GANAB: variants seen among roughly 807,000 people sequenced by gnomAD.
The protein encoded by GANAB is neutral alpha-glucosidase AB.
In GANAB, 35 loss-of-function variants were observed where a neutral mutation model predicts 129.9. The observed-to-expected ratio is 0.27, with a 90% CI of 0.21 to 0.36. GANAB has a LOEUF of 0.36. GANAB is among the 10% of genes least tolerant of loss of function. GANAB has a pLI of 1.00. For synonymous variants in GANAB, 482 were observed against 451.8 expected (o/e 1.07, Z -0.85); for missense variants, 939 against 1,221.0 (o/e 0.77, Z 3.44).
chr11:62,629,169 G>A (rs752530768), intron 16 of GANAB, 25 bp downstream of exon 16: 1 of 1,579,800 alleles, frequency 6.3e-7, no homozygotes, highest in Non-Finnish European at 8.7e-7. Context: ...ACCAAACCAA[G>A]ACCCCAAATT....
intron 10 of GANAB, 80 bp downstream of exon 10, chr11:62,630,950 T>A (rs1376071448): frequency 6.6e-7 from 1 of 1,520,910 alleles, no homozygotes. Flanking sequence ...GAAAACAAGC[T>A]GGGGCACAGG....
At chr11:62,630,320 A>G (rs1326845936) in intron 12 of GANAB, 44 bp from the exon 13 acceptor site, 1 of 1,613,206 alleles carries the variant, frequency 6.2e-7, no homozygotes, top group Middle Eastern at 1.7e-4. Context: ...AAGGGGCAAA[A>G]GAGCCACCAT....
intron 17 of GANAB, among the ~76,000 whole-genome samples, chr11:62,628,377 T>TA (rs1388859842): frequency 2.6e-5 from 4 of 152,022 alleles, no homozygotes; most frequent in African/African-American, 9.6e-5. Flanking sequence ...GATGCCCAGC[T>TA]AATTTTTGTA....
At chr11:62,643,802 T>C (rs1275800949) in intron 1 of GANAB, among the ~76,000 whole-genome samples, 1 of 151,968 alleles carries the variant, frequency 6.6e-6, no homozygotes, top group Non-Finnish European at 1.5e-5. Flanking sequence ...GGTGACAAAG[T>C]GTGACTCTGT....
rs1431484252 is a variant in GANAB at position 62,638,836 on chromosome 11, G to A, written c.380+147C>T. 3 of 669,798 alleles carry A rather than the reference G, an allele frequency of 4.5e-6. No homozygotes were observed. The East Asian group carries it at 7.9e-5, about 18-fold the overall frequency. 41.5% of individuals were successfully genotyped at this position (669,798 alleles called of 1,614,324 possible). A position where few individuals can be genotyped will look rare whatever the true frequency, so the allele number is the denominator to read the frequency against. Reference sequence around the variant, plus strand: ...TAAAGAGAAAAGTGAAACAGAAGAAGAGGTGGGGAAAGGTTGAGGAGTATG... The same window carrying A: ...TAAAGAGAAAAGTGAAACAGAAGAAAAGGTGGGGAAAGGTTGAGGAGTATG... On this transcript the variant is annotated intron_variant, in intron 4 of 23. Coordinates refer to ENST00000356638, the MANE Select transcript of GANAB (RefSeq NM_198334.3).
At chr11:62,629,054 A>T (rs760211185) in intron 16 of GANAB, 42 bp from the exon 17 acceptor site, 1 of 1,606,332 alleles carries the variant, frequency 6.2e-7, no homozygotes, top group South Asian at 1.1e-5. Context: ...AAAGAGGGTG[A>T]AGGAGAGATA....
intron 1 of GANAB, among the ~76,000 whole-genome samples, chr11:62,642,244 A>G (rs892141777): frequency 6.6e-6 from 1 of 152,026 alleles, no homozygotes; most frequent in African/African-American, 2.4e-5. Flanking sequence ...TGGTAGCAAC[A>G]GGGCCTCACT....
chr11:62,625,711 G>C lies in GANAB; in HGVS notation c.*104C>G, dbSNP rs1326735950. On this transcript the variant is annotated 3_prime_UTR_variant, in exon 24 of 24. Transcript: ENST00000356638. ...TTGGCAGAATCTGGGTCTTAGACTAGCATAAGTGAAGTCTGGGGAGGGCCG... is the reference window on the plus strand; with the variant it reads ...TTGGCAGAATCTGGGTCTTAGACTACCATAAGTGAAGTCTGGGGAGGGCCG... 2 of 756,686 alleles carry C rather than the reference G, an allele frequency of 2.6e-6. No homozygotes were observed. The highest frequency in any genetic ancestry group is 4.7e-6 in the Non-Finnish European group (2 of 427,436). The allele number at this position is 756,686 out of a possible 1,614,324, so 46.9% of individuals were successfully genotyped here. A position where few individuals can be genotyped will look rare whatever the true frequency, so the allele number is the denominator to read the frequency against.
chr11:62,640,832 C>CA (rs36113826), intron 1 of GANAB, among the ~76,000 whole-genome samples: 40,515 of 74,756 alleles, frequency 0.54, 11,963 homozygotes, highest in East Asian at 0.91. Flanking sequence ...AACTCCCTCT[C>CA]AAAAAAAAAA....
At chr11:62,634,550 G>C (rs188085732) in intron 5 of GANAB, 278 of 627,388 alleles carry the variant, frequency 4.4e-4, no homozygotes, top group Middle Eastern at 3.8e-3. Flanking sequence ...GTGATGATGT[G>C]AGAAGGGGAA....
intron 15 of GANAB, 51 bp downstream of exon 15, chr11:62,629,537 G>A (rs1943561127): frequency 8.1e-7 from 1 of 1,232,826 alleles, no homozygotes. Context: ...CATGGCTCCT[G>A]AGATCTGGCC....
rs765328281 is a variant in GANAB at position 62,632,598 on chromosome 11, G to A, written c.963C>T (p.Thr321=). The change falls in exon 9 of 24, where the codon ACC becomes ACT. Residue 321 remains threonine (T), a synonymous_variant. Coordinates refer to ENST00000356638, the MANE Select transcript of GANAB (RefSeq NM_198334.3). ...LGIFWLNAAE[T]WVDISSNTAG... ...CAGTGTTGGAAGATATATCAACCCA[G>A]GTCTCTGCAGCATTGAGCCAGAAGA... The A allele has an allele frequency of 5.0e-6, 8 of 1,614,032 alleles. No homozygotes were observed. In the Admixed American group the frequency reaches 1.3e-4, roughly 27 times the overall value.
intron 1 of GANAB, among the ~76,000 whole-genome samples, chr11:62,643,792 G>T (rs927093166): frequency 4.6e-5 from 7 of 152,118 alleles, no homozygotes; most frequent in African/African-American, 1.4e-4. Flanking sequence ...CTCTAGCCTG[G>T]GTGACAAAGT....
Position 62,625,037 on chromosome 11 carries a change from CA to C in GANAB, c.*777del. On this transcript the variant is annotated 3_prime_UTR_variant, in exon 24 of 24. Coordinates refer to ENST00000356638, the MANE Select transcript of GANAB (RefSeq NM_198334.3). ...TCTCCTAGCAATAAATACAGGTGAC[CA>C]TGATTCACTGAAACCACAACTGATT... is the stretch of plus-strand genomic sequence containing the variant. 2.9e-6 allele frequency: 1 copy of C among 343,266 alleles called. No individual in the cohort carries two copies. Among genetic ancestry groups the C allele is most frequent in the South Asian group, 2.2e-5 (1 of 46,418 alleles). The allele number at this position is 343,266 out of a possible 1,614,324, so 21.3% of individuals were successfully genotyped here. A position where few individuals can be genotyped will look rare whatever the true frequency, so the allele number is the denominator to read the frequency against.
chr11:62,633,480 C>A lies in GANAB; in HGVS notation c.595G>T (p.Ala199Ser). The change falls in exon 6 of 24, where the codon GCC becomes TCC. Residue 199 changes from alanine (A) to serine (S), a missense_variant. Ala to Ser is a moderately conservative substitution (Grantham distance 99). Transcript: ENST00000356638. Reference sequence around the variant, plus strand: ...TCCCTGGGTGTTTCCTCAGGCTGGGCCCCATCGCCCTCAGCTGGGTCTTTT... The same window carrying A: ...TCCCTGGGTGTTTCCTCAGGCTGGGACCCATCGCCCTCAGCTGGGTCTTTT... Reference protein sequence around the residue: ...GSKDPAEGDGAQPEETPRDGD... With the variant: ...GSKDPAEGDGSQPEETPRDGD... The A allele has an allele frequency of 6.2e-7, 1 of 1,602,742 alleles. No homozygotes were observed.
chr11:62,642,847 A>C (rs1353687291), intron 1 of GANAB, among the ~76,000 whole-genome samples: 2 of 152,070 alleles, frequency 1.3e-5, no homozygotes, highest in Non-Finnish European at 1.5e-5. Flanking sequence ...TGGTGAATAT[A>C]GGGTTGGGGT....
chr11:62,637,196 C>A (rs970527300), intron 4 of GANAB, among the ~76,000 whole-genome samples: 2 of 152,092 alleles, frequency 1.3e-5, no homozygotes, highest in African/African-American at 4.8e-5. Context: ...AGAACATACA[C>A]AAAAACTAAA....
rs200289173 is a variant in GANAB at position 62,629,966 on chromosome 11, G to A, written c.1594-9C>T. ...AGGTTGGGAGCTGAGCCCTGGGAAC[G>A]TGGGCAGAAAATGGGGACAGAAGGA... On this transcript the variant is annotated splice_polypyrimidine_tract_variant and intron_variant, in intron 13 of 23. Transcript: ENST00000356638. 146 of 1,613,406 alleles carry A rather than the reference G, an allele frequency of 9.0e-5. No homozygotes were observed. Among genetic ancestry groups the A allele is most frequent in the Non-Finnish European group, 1.4e-5 (16 of 1,179,496 alleles).
In GANAB at chr11:62,624,907, AC is replaced by A. The variant is rs1943292822; in HGVS notation, c.*907del. On this transcript the variant is annotated 3_prime_UTR_variant, in exon 24 of 24. Transcript: ENST00000356638. Reference sequence around the variant, plus strand: ...GGAACCAAGAGGAAGTAAAAAAAATACCCACAAATATTCCCCGACTCCCCAT... The same window carrying A: ...GGAACCAAGAGGAAGTAAAAAAAATACCACAAATATTCCCCGACTCCCCAT... 2 of 260,566 alleles carry A rather than the reference AC, an allele frequency of 7.7e-6. No homozygotes were observed. Among genetic ancestry groups the A allele is most frequent in the Admixed American group, 5.1e-5 (1 of 19,426 alleles). The allele number at this position is 260,566 out of a possible 1,614,324, so 16.1% of individuals were successfully genotyped here.
Sources: gnomAD v4.1 joint callset for allele counts (sites outside exome capture counted in the v4.1 genomes callset) on GRCh38, gnomAD v4.1.1 for gene constraint, MANE v1.5 for transcripts, NCBI Gene and HGNC (gene_info 2026-07-23, HGNC 2026-07-21) for gene names.